The following GRID2 variants were observed in gnomAD, a reference collection of about 807,000 sequenced individuals.
The protein encoded by GRID2 is glutamate receptor ionotropic, delta-2.
A neutral mutation model predicts 114.8 loss-of-function variants in GRID2; 33 were observed. That is an observed-to-expected ratio of 0.29 (90% CI 0.22 to 0.38). The LOEUF (loss-of-function observed/expected upper bound fraction) is 0.38. Ranked by LOEUF, GRID2 falls within the 10% of genes least tolerant of loss-of-function variation. The probability of loss-of-function intolerance (pLI) is 1.00; values close to 1 mark genes in which losing one functional copy is unlikely to be tolerated. For synonymous variants in GRID2, 505 were observed against 449.9 expected, an observed-to-expected ratio of 1.12 and a Z score of -1.55; for missense variants, 1,184 against 1,257.7, an observed-to-expected ratio of 0.94 and a Z score of 0.89.
rs1044948980 is a variant in GRID2, at chr4:92,934,763, A to C, written c.245-150232A>C. On this transcript the variant is annotated intron_variant, in intron 2 of 15. Transcript: ENST00000282020. ...TCTACAACTATCTGATCTTTGACAA[A>C]CCTGAGAAAAACAAGCAGTGGGGAA... Among the ~76,000 whole-genome samples, 7 of 146,962 alleles carry C rather than the reference A, an allele frequency of 4.8e-5. No individual in the cohort carries two copies. The Admixed American group carries it at 5.2e-4, about 11-fold the overall frequency.
intron 13 of GRID2, among the ~76,000 whole-genome samples, chr4:93,555,371 G>C (rs1478760832): frequency 6.6e-6 from 1 of 152,168 alleles, no homozygotes; most frequent in Non-Finnish European, 1.5e-5. Flanking sequence ...TGAAATTCTT[G>C]CTGCCAGCAC....
At chr4:93,244,598 T>A (rs1281852352) in intron 8 of GRID2, among the ~76,000 whole-genome samples, 1 of 28,544 alleles carries the variant, frequency 3.5e-5, no homozygotes, top group Non-Finnish European at 7.5e-5. Flanking sequence ...TAATCTATTA[T>A]ATATTAATTA....
At chr4:93,041,554 C>G (rs2149269062) in intron 2 of GRID2, among the ~76,000 whole-genome samples, 1 of 152,190 alleles carries the variant, frequency 6.6e-6, no homozygotes, top group East Asian at 1.9e-4. Flanking sequence ...TGTAGTTAAA[C>G]TTATATGAGG....
intron 2 of GRID2, among the ~76,000 whole-genome samples, chr4:93,005,931 C>T (rs868222296): frequency 6.6e-6 from 1 of 152,070 alleles, no homozygotes; most frequent in South Asian, 2.1e-4. Flanking sequence ...ATTTTAACCA[C>T]GCTGGTCTCT....
chr4:93,636,126 T>G (rs997758186), intron 14 of GRID2, among the ~76,000 whole-genome samples: 1 of 152,140 alleles, frequency 6.6e-6, no homozygotes, highest in African/African-American at 2.4e-5. Flanking sequence ...TTTTCTGAGA[T>G]AAGTCCTGAG....
At chr4:92,748,490 T>G (rs181408198) in intron 2 of GRID2, among the ~76,000 whole-genome samples, 8 of 152,206 alleles carry the variant, frequency 5.3e-5, no homozygotes, top group Non-Finnish European at 1.0e-4. Flanking sequence ...GTAAATGTTT[T>G]GCAGCCAAGG....
At chr4:92,960,972 C>A (rs1752757300) in intron 2 of GRID2, among the ~76,000 whole-genome samples, 1 of 151,768 alleles carries the variant, frequency 6.6e-6, no homozygotes, top group Non-Finnish European at 1.5e-5. Flanking sequence ...TATAAATTTA[C>A]AACTAATCCA....
intron 5 of GRID2, among the ~76,000 whole-genome samples, chr4:93,214,977 A>G (rs1284741658): frequency 1.3e-5 from 2 of 152,074 alleles, no homozygotes; most frequent in African/African-American, 2.4e-5. Context: ...GTAGAGTATT[A>G]TGAATGAAGA....
chr4:93,751,463 A>G (rs1322912310), intron 14 of GRID2, among the ~76,000 whole-genome samples: 4 of 152,144 alleles, frequency 2.6e-5, no homozygotes, highest in South Asian at 4.2e-4. Context: ...CAGTATTGCA[A>G]TGGGTCTCCC....
At chr4:92,983,404 A>G (rs1256017018) in intron 2 of GRID2, among the ~76,000 whole-genome samples, 1 of 152,078 alleles carries the variant, frequency 6.6e-6, no homozygotes, top group African/African-American at 2.4e-5. Flanking sequence ...TGATCTATTC[A>G]GCTCTTAATG....
intron 13 of GRID2, among the ~76,000 whole-genome samples, chr4:93,539,640 A>G (rs1732453902): frequency 6.6e-6 from 1 of 151,986 alleles, no homozygotes. Flanking sequence ...AATGAGTTGG[A>G]GATAAAATTG....
At chr4:93,468,518 A>G (rs1288991729) in intron 11 of GRID2, among the ~76,000 whole-genome samples, 1 of 152,210 alleles carries the variant, frequency 6.6e-6, no homozygotes, top group African/African-American at 2.4e-5. Flanking sequence ...GATGTTGAAC[A>G]AAATCCTGAA....
chr4:93,502,727 C>T (rs1012944436), intron 12 of GRID2, among the ~76,000 whole-genome samples: 10 of 106,052 alleles, frequency 9.4e-5, no homozygotes, highest in South Asian at 3.1e-4. Flanking sequence ...CACACACACA[C>T]GCACACCACA....
intron 14 of GRID2, among the ~76,000 whole-genome samples, chr4:93,636,155 A>G (rs1042842208): frequency 1.3e-5 from 2 of 152,180 alleles, no homozygotes; most frequent in African/African-American, 4.8e-5. Context: ...AAGATAAATG[A>G]CTAGTGCAAG....
At chr4:93,463,785 C>G (rs577340421) in intron 11 of GRID2, among the ~76,000 whole-genome samples, 208 of 151,862 alleles carry the variant, frequency 1.4e-3, no homozygotes, top group Admixed American at 3.1e-3. Flanking sequence ...GTCAGGAGAT[C>G]GAGACCATCC....
At chr4:93,516,983 G>A (rs1729794343) in intron 13 of GRID2, among the ~76,000 whole-genome samples, 1 of 151,900 alleles carries the variant, frequency 6.6e-6, no homozygotes, top group South Asian at 2.1e-4. Flanking sequence ...CCACCAGCCT[G>A]GTGTTAATGG....
intron 7 of GRID2, among the ~76,000 whole-genome samples, chr4:93,226,273 A>C (rs1273539027): frequency 6.6e-6 from 1 of 152,194 alleles, no homozygotes; most frequent in African/African-American, 2.4e-5. Flanking sequence ...GAAGAGACTC[A>C]CATGATTCAT....
chr4:93,187,045 T>C (rs1740490594), intron 4 of GRID2, among the ~76,000 whole-genome samples: 1 of 152,148 alleles, frequency 6.6e-6, no homozygotes, highest in African/African-American at 2.4e-5. Context: ...ATCAGCTTCC[T>C]CACACCTCTT....
At chr4:92,317,267 T>A (rs1238947080) in intron 1 of GRID2, among the ~76,000 whole-genome samples, 1 of 152,226 alleles carries the variant, frequency 6.6e-6, no homozygotes, top group African/African-American at 2.4e-5. Context: ...ACATTTGACA[T>A]TTATGACTTT....
Sources: gnomAD v4.1 joint callset for allele counts (sites outside exome capture counted in the v4.1 genomes callset) on GRCh38, gnomAD v4.1.1 for gene constraint, MANE v1.5 for transcripts, NCBI Gene and HGNC (gene_info 2026-07-23, HGNC 2026-07-21) for gene names.